The following EPHA3 variants were observed in gnomAD, a reference collection of about 807,000 sequenced individuals.
EPHA3 encodes the protein ephrin type-A receptor 3.
A neutral mutation model predicts 107.1 loss-of-function variants in EPHA3; 42 were observed. The ratio of observed to expected loss-of-function variants is 0.39; its 90% CI spans 0.31 to 0.51. The LOEUF (loss-of-function observed/expected upper bound fraction) is 0.51. Among genes scored for constraint, EPHA3 ranks in the 20% least tolerant of loss-of-function variants. The pLI, the probability that EPHA3 is intolerant of heterozygous loss-of-function variation, is 0.78. For synonymous variants in EPHA3, 461 were observed against 424.8 expected (o/e 1.09, Z -1.05); for missense variants, 1,183 against 1,211.2 (o/e 0.98, Z 0.35).
intron 11 of EPHA3, among the ~76,000 whole-genome samples, chr3:89,420,760 C>T (rs1314772670): frequency 6.6e-6 from 1 of 151,186 alleles, no homozygotes; most frequent in Non-Finnish European, 1.5e-5. Flanking sequence ...ATTACATCTG[C>T]ATCAAGTGGT....
chr3:89,189,425 T>G (rs1236575143), intron 2 of EPHA3, among the ~76,000 whole-genome samples: 2 of 151,824 alleles, frequency 1.3e-5, no homozygotes, highest in African/African-American at 4.8e-5. Context: ...AAACCCCATC[T>G]CTACTAAAAA....
intron 10 of EPHA3, among the ~76,000 whole-genome samples, chr3:89,418,548 A>G (rs1576368170): frequency 6.6e-6 from 1 of 151,312 alleles, no homozygotes; most frequent in Non-Finnish European, 1.5e-5. Flanking sequence ...TTGCACATTG[A>G]AGACTTTTTT....
In EPHA3 at chr3:89,302,338, T is replaced by G. The variant is rs554420617; in HGVS notation, c.815-38578T>G. 1.0e-3 allele frequency among the ~76,000 whole-genome samples: 154 copies of G among 152,284 alleles called. 1 individual carries two copies. The highest frequency in any genetic ancestry group is 3.4e-3 in the African/African-American group (141 of 41,578). ...CTTTCCCTTCATTCATAACCTTTTTTTGTGTGTTTTATACAGTCTGTCTTT... is the reference window on the plus strand; with the variant it reads ...CTTTCCCTTCATTCATAACCTTTTTGTGTGTGTTTTATACAGTCTGTCTTT... On this transcript the variant is annotated intron_variant, in intron 3 of 16. Transcript: ENST00000336596.
At chr3:89,385,094 G>T (rs1708589542) in intron 5 of EPHA3, among the ~76,000 whole-genome samples, 1 of 152,090 alleles carries the variant, frequency 6.6e-6, no homozygotes, top group African/African-American at 2.4e-5. Flanking sequence ...AAGAGTCACA[G>T]TATTTTATGA....
intron 3 of EPHA3, among the ~76,000 whole-genome samples, chr3:89,214,345 G>A (rs556561909): frequency 6.6e-6 from 1 of 151,996 alleles, no homozygotes; most frequent in South Asian, 2.1e-4. Context: ...TAGACACAAG[G>A]TATTTGAACG....
chr3:89,345,402 T>C (rs1181497558), intron 5 of EPHA3, among the ~76,000 whole-genome samples: 2 of 151,298 alleles, frequency 1.3e-5, no homozygotes, highest in African/African-American at 4.8e-5. Flanking sequence ...TATCAAAAAA[T>C]TGGATTCATT....
intron 13 of EPHA3, among the ~76,000 whole-genome samples, chr3:89,447,086 A>G (rs1376180942): frequency 6.6e-6 from 1 of 152,148 alleles, no homozygotes; most frequent in Non-Finnish European, 1.5e-5. Context: ...GTCGATGTCA[A>G]GGGGTAGTAT....
chr3:89,392,592 T>A (rs914821682), intron 5 of EPHA3, among the ~76,000 whole-genome samples: 1 of 134,392 alleles, frequency 7.4e-6, no homozygotes, highest in Non-Finnish European at 1.7e-5. Context: ...AAGTTGAAAG[T>A]TTTTTTTTTC....
intron 5 of EPHA3, among the ~76,000 whole-genome samples, chr3:89,374,675 C>T (rs1305540393): frequency 2.0e-5 from 3 of 151,582 alleles, no homozygotes; most frequent in Non-Finnish European, 4.4e-5. Context: ...GTCTGGTCTG[C>T]ATTAGGATGT....
At chr3:89,469,714 GTA>G (rs1710363320) in intron 15 of EPHA3, among the ~76,000 whole-genome samples, 1 of 152,148 alleles carries the variant, frequency 6.6e-6, no homozygotes, top group Non-Finnish European at 1.5e-5. Flanking sequence ...CTACTCATAT[GTA>G]AAACATTATA....
At chr3:89,354,365 A>G (rs1368725711) in intron 5 of EPHA3, among the ~76,000 whole-genome samples, 1 of 151,268 alleles carries the variant, frequency 6.6e-6, no homozygotes, top group Admixed American at 6.6e-5. Flanking sequence ...ATAAATTCTT[A>G]ATTATATTTC....
chr3:89,153,951 A>T (rs2107051310), intron 2 of EPHA3, among the ~76,000 whole-genome samples: 1 of 152,142 alleles, frequency 6.6e-6, no homozygotes, highest in Middle Eastern at 3.4e-3. Flanking sequence ...GTGTCTATGA[A>T]CAAGTCAGGT....
intron 3 of EPHA3, among the ~76,000 whole-genome samples, chr3:89,311,798 T>G (rs994666463): frequency 6.6e-6 from 1 of 152,098 alleles, no homozygotes; most frequent in Non-Finnish European, 1.5e-5. Flanking sequence ...GTATGTTTCC[T>G]TGGCACAGAC....
At chr3:89,368,808 A>G (rs1708233306) in intron 5 of EPHA3, among the ~76,000 whole-genome samples, 2 of 150,048 alleles carry the variant, frequency 1.3e-5, no homozygotes, top group African/African-American at 4.9e-5. Context: ...CCATAGATTC[A>G]CCCAGAAAAA....
At chr3:89,417,713 A>G (rs1277267888) in intron 10 of EPHA3, among the ~76,000 whole-genome samples, 1 of 151,430 alleles carries the variant, frequency 6.6e-6, no homozygotes, top group Non-Finnish European at 1.5e-5. Flanking sequence ...AGCTGTAGAT[A>G]TCATTATCTT....
chr3:89,153,516 A>G (rs947431770), intron 2 of EPHA3, among the ~76,000 whole-genome samples: 9 of 151,992 alleles, frequency 5.9e-5, no homozygotes, highest in African/African-American at 2.2e-4. Flanking sequence ...TCCAGGTATC[A>G]GGCCAAAATC....
intron 1 of EPHA3, among the ~76,000 whole-genome samples, chr3:89,109,765 G>A (rs1352507673): frequency 1.3e-5 from 2 of 151,930 alleles, no homozygotes; most frequent in Admixed American, 6.5e-5. Context: ...GATATAGAAA[G>A]GTAAATATAT....
rs554180097 is a variant in EPHA3, at chr3:89,315,677, G to C, written c.815-25239G>C. On this transcript the variant is annotated intron_variant, in intron 3 of 16. Coordinates refer to ENST00000336596, the MANE Select transcript of EPHA3 (RefSeq NM_005233.6). ...CATCTCAGCTTAGCAGTTCTGAAAG[G>C]GTTCTTTTTCTTCAGGCCTCATGCT... 2.6e-5 allele frequency among the ~76,000 whole-genome samples: 4 copies of C among 151,356 alleles called. No individual in the cohort carries two copies. The South Asian group carries it at 6.3e-4, about 24-fold the overall frequency.
chr3:89,346,554 C>T (rs1707660508), intron 5 of EPHA3, among the ~76,000 whole-genome samples: 1 of 148,702 alleles, frequency 6.7e-6, no homozygotes, highest in Non-Finnish European at 1.5e-5. Context: ...AAAATTTTCT[C>T]CCATTTTGTA....
Sources: allele counts gnomAD v4.1 joint callset (sites outside exome capture counted in the v4.1 genomes callset), GRCh38; gene constraint gnomAD v4.1.1; transcripts MANE v1.5; gene names NCBI Gene and HGNC (gene_info 2026-07-23, HGNC 2026-07-21).